The following EPAS1 variants were observed in gnomAD, a reference collection of about 807,000 sequenced individuals.
EPAS1 encodes the protein endothelial PAS domain-containing protein 1.
In EPAS1, 23 loss-of-function variants were observed where a neutral mutation model predicts 87.9. That is an observed-to-expected ratio of 0.26 (90% confidence interval 0.19 to 0.37). The LOEUF (loss-of-function observed/expected upper bound fraction) is 0.37. EPAS1 is among the 10% of genes least tolerant of loss of function. The pLI, the probability that EPAS1 is intolerant of heterozygous loss-of-function variation, is 1.00. For synonymous variants in EPAS1, 508 were observed against 444.3 expected (o/e 1.14, Z -1.80); for missense variants, 1,138 against 1,120.7 (o/e 1.02, Z -0.22).
At chr2:46,335,547 A>AT (rs934880681) in intron 1 of EPAS1, 1 of 151,630 alleles carries the variant, frequency 6.6e-6, no homozygotes, top group African/African-American at 2.4e-5. Flanking sequence ...CATTGCAGAT[A>AT]TTTTTTCTAA....
In EPAS1 at chr2:46,384,861, A is replaced by G. The variant is rs952683149; in HGVS notation, c.*201A>G. On this transcript the variant is annotated 3_prime_UTR_variant, in exon 16 of 16. Coordinates refer to ENST00000263734, the MANE Select transcript of EPAS1 (RefSeq NM_001430.5). Reference sequence around the variant, plus strand: ...ATTATCCCTATTTTTAAAGTACACAATTGTTTTACCTGTTCTGAAATGTTC... The same window carrying G: ...ATTATCCCTATTTTTAAAGTACACAGTTGTTTTACCTGTTCTGAAATGTTC... 7.3e-5 allele frequency: 48 copies of G among 657,186 alleles called. No individual in the cohort carries two copies. The highest frequency in any genetic ancestry group is 4.0e-4 in the Admixed American group (14 of 35,328). 40.7% of individuals were successfully genotyped at this position (657,186 alleles called of 1,614,324 possible).
chr2:46,307,480 C>T (rs753704347), intron 1 of EPAS1, among the ~76,000 whole-genome samples: 12 of 152,092 alleles, frequency 7.9e-5, no homozygotes, highest in African/African-American at 1.4e-4. Context: ...ATTCTGTACC[C>T]GGGACTTAGG....
Position 46,360,954 on chromosome 2 carries a change from A to G in EPAS1, c.643A>G (p.Lys215Glu). The G allele has an allele frequency of 6.2e-7, 1 of 1,614,188 alleles. No individual in the cohort carries two copies. The highest frequency in any genetic ancestry group is 1.1e-5 in the South Asian group (1 of 91,086). Residue 215 changes from lysine (K) to glutamate (E), a missense_variant, in exon 6 of 16, where the codon AAG becomes GAG. Lys to Glu is a moderately conservative substitution (Grantham distance 56). Transcript: ENST00000263734. The surrounding 1 kb of genome is among the most constrained non-coding windows in gnomAD (Gnocchi z 4.5). The stretch of plus-strand genomic sequence containing the variant: ...TCCTCACAATAGTCTGTGTGGCTAC[A>G]AGGAGCCCCTGCTGTCCTGCCTCAT... ...CPPHNSLCGYKEPLLSCLIIM... is the reference protein window; with the variant it reads ...CPPHNSLCGYEEPLLSCLIIM...
At chr2:46,307,138 T>G (rs1421796071) in intron 1 of EPAS1, among the ~76,000 whole-genome samples, 2 of 152,216 alleles carry the variant, frequency 1.3e-5, no homozygotes, top group Non-Finnish European at 2.9e-5. Flanking sequence ...CTCCTGTGTT[T>G]CCAAGAGTTC....
chr2:46,325,640 G>C (rs1216468561), intron 1 of EPAS1, among the ~76,000 whole-genome samples: 1 of 152,178 alleles, frequency 6.6e-6, no homozygotes, highest in African/African-American at 2.4e-5. Flanking sequence ...TGTCAGGCAG[G>C]TGTTGGAGGA....
chr2:46,369,967 G>T, intron 7 of EPAS1, 34 bp downstream of exon 7: 5 of 1,528,988 alleles, frequency 3.3e-6, no homozygotes, highest in Non-Finnish European at 4.5e-6. Flanking sequence ...TGGCTTCCTT[G>T]TGTCTGTGGT....
intron 2 of EPAS1, among the ~76,000 whole-genome samples, chr2:46,349,019 C>G (rs920808232): frequency 6.6e-6 from 1 of 152,190 alleles, no homozygotes; most frequent in Non-Finnish European, 1.5e-5. Context: ...CATGGTGAAC[C>G]TGCACCTGGA....
intron 1 of EPAS1, among the ~76,000 whole-genome samples, chr2:46,327,227 G>T (rs1216207749): frequency 6.6e-6 from 1 of 152,170 alleles, no homozygotes; most frequent in East Asian, 1.9e-4. Flanking sequence ...TGCCTGCTGT[G>T]TGCCCAATAT....
intron 7 of EPAS1, among the ~76,000 whole-genome samples, chr2:46,372,408 G>T (rs1684646113): frequency 6.6e-6 from 1 of 152,212 alleles, no homozygotes; most frequent in Non-Finnish European, 1.5e-5. Context: ...GACAGGTCCA[G>T]ATTCACACAC....
intron 11 of EPAS1, chr2:46,379,929 G>A (rs79660939): frequency 2.4e-4 from 116 of 487,916 alleles, no homozygotes; most frequent in South Asian, 9.6e-4. Flanking sequence ...GGGCTGCCTC[G>A]GCTTCAAGAG....
intron 1 of EPAS1, among the ~76,000 whole-genome samples, chr2:46,303,798 T>C (rs1328156632): frequency 6.6e-6 from 1 of 152,204 alleles, no homozygotes; most frequent in East Asian, 1.9e-4. Flanking sequence ...GACTGTCTTA[T>C]GTTTCAGAGT....
At chr2:46,365,555 A>G (rs1684483429) in intron 6 of EPAS1, among the ~76,000 whole-genome samples, 1 of 152,236 alleles carries the variant, frequency 6.6e-6, no homozygotes, top group Non-Finnish European at 1.5e-5. Context: ...AAACACACAC[A>G]CAACCTTCCT....
At chr2:46,337,184 G>A (rs1023761969) in intron 1 of EPAS1, among the ~76,000 whole-genome samples, 2 of 152,184 alleles carry the variant, frequency 1.3e-5, no homozygotes, top group Non-Finnish European at 2.9e-5. Context: ...CAGGTGTGGG[G>A]TTCTTTCCCT....
chr2:46,386,665 A>G lies in EPAS1; in HGVS notation c.*2005A>G, dbSNP rs1451821206. ...TAACTTTATAAGGAAATGTATTTTG[A>G]CACTGGTATCTTATTAAAGTATTCT... On this transcript the variant is annotated 3_prime_UTR_variant, in exon 16 of 16. Transcript: ENST00000263734. 1.3e-5 allele frequency: 2 copies of G among 152,666 alleles called. No homozygotes were observed. The highest frequency in any genetic ancestry group is 4.8e-5 in the African/African-American group (2 of 41,454). 9.5% of individuals were successfully genotyped at this position (152,666 alleles called of 1,614,324 possible).
intron 1 of EPAS1, among the ~76,000 whole-genome samples, chr2:46,332,257 G>T: frequency 7.3e-6 from 1 of 136,756 alleles, no homozygotes; most frequent in Non-Finnish European, 1.5e-5. Flanking sequence ...TTAATGGACA[G>T]AACTGGTGTT....
rs1684049301 is a variant in EPAS1 at position 46,347,217 on chromosome 2, T to C, written c.217+154T>C. ...CCATCATGAGTGATTTATTCCTTCA[T>C]GTTAAACATCTCTCTTCCAGCAGTG... On this transcript the variant is annotated intron_variant, in intron 2 of 15. Transcript: ENST00000263734. This position sits in a 1 kb window ranked among gnomAD's most constrained non-coding sequence, Gnocchi z 4.2. 7 of 809,506 alleles carry C rather than the reference T, an allele frequency of 8.6e-6. No homozygotes were observed. 50.1% of individuals were successfully genotyped at this position (809,506 alleles called of 1,614,324 possible). A position where few individuals can be genotyped will look rare whatever the true frequency, so the allele number is the denominator to read the frequency against.
At position 46,384,950 on chromosome 2, in the gene EPAS1, GT is replaced by G; in HGVS notation, c.*293del. 2.3e-6 allele frequency: 1 copy of G among 441,260 alleles called. No individual in the cohort carries two copies. The highest frequency in any genetic ancestry group is 4.2e-6 in the Non-Finnish European group (1 of 237,632). The allele number at this position is 441,260 out of a possible 1,614,324, so 27.3% of individuals were successfully genotyped here. On this transcript the variant is annotated 3_prime_UTR_variant, in exon 16 of 16. Coordinates refer to ENST00000263734, the MANE Select transcript of EPAS1 (RefSeq NM_001430.5). ...GACTTCTAATTTATATTATCCATAG[GT>G]TTCTCTCCCTCCTTCTCCTTCTCAC...
intron 1 of EPAS1, 112 bp downstream of exon 1, chr2:46,298,049 C>A: frequency 7.4e-7 from 1 of 1,356,862 alleles, no homozygotes; most frequent in Non-Finnish European, 1.0e-6. Context: ...GTCTTCGGAG[C>A]TCGAGGCTCG....
chr2:46,368,503 A>G (rs1038641344), intron 6 of EPAS1, among the ~76,000 whole-genome samples: 2 of 152,226 alleles, frequency 1.3e-5, no homozygotes, highest in African/African-American at 4.8e-5. Flanking sequence ...GGCAAAAGTG[A>G]AAGCTGTAGA....
Sources: gnomAD v4.1 joint callset for allele counts (sites outside exome capture counted in the v4.1 genomes callset) on GRCh38, gnomAD v4.1.1 for gene constraint, Gnocchi (gnomAD v3.1) non-coding constraint, MANE v1.5 for transcripts, NCBI Gene and HGNC (gene_info 2026-07-23, HGNC 2026-07-21) for gene names.